KCTD1: variants seen among roughly 807,000 people sequenced by gnomAD.
KCTD1 encodes the protein BTB/POZ domain-containing protein KCTD1.
KCTD1 carries 24 observed loss-of-function variants against 66.0 expected under a neutral mutation model. The observed-to-expected ratio is 0.36, with a 90% CI of 0.26 to 0.51. The LOEUF (loss-of-function observed/expected upper bound fraction) is 0.51, where lower values mean the gene tolerates loss of function less well. Ranked by LOEUF, KCTD1 falls within the 20% of genes least tolerant of loss-of-function variation. The probability of loss-of-function intolerance (pLI) is 0.95; values close to 1 mark genes in which losing one functional copy is unlikely to be tolerated. For synonymous variants in KCTD1, 511 were observed against 517.2 expected, an observed-to-expected ratio of 0.99 and a Z score of 0.16; for missense variants, 943 against 1,205.2, an observed-to-expected ratio of 0.78 and a Z score of 3.22.
At chr18:26,477,701 G>A (rs1981420468) in intron 2 of KCTD1, among the ~76,000 whole-genome samples, 1 of 152,022 alleles carries the variant, frequency 6.6e-6, no homozygotes, top group South Asian at 2.1e-4. Context: ...CAAACAAGTA[G>A]GAAAGCTACT....
At chr18:26,513,465 G>C (rs12454640) in intron 1 of KCTD1, among the ~76,000 whole-genome samples, 34,570 of 152,060 alleles carry the variant, frequency 0.23, 4,725 homozygotes, top group Middle Eastern at 0.32. Flanking sequence ...TCTAACTTTT[G>C]CCCCAATTAC....
At chr18:26,523,182 T>C (rs1278090280) in intron 1 of KCTD1, among the ~76,000 whole-genome samples, 1 of 152,082 alleles carries the variant, frequency 6.6e-6, no homozygotes, top group Non-Finnish European at 1.5e-5. Context: ...AACGATCAAG[T>C]AGATTTGGGA....
chr18:26,599,175 A>C (rs1986834408), intron 1 of KCTD1, among the ~76,000 whole-genome samples: 1 of 152,212 alleles, frequency 6.6e-6, no homozygotes, highest in Non-Finnish European at 1.5e-5. Flanking sequence ...AATTTTATAA[A>C]TGGTATAATG....
chr18:26,637,411 G>C (rs1987746599), intron 1 of KCTD1, among the ~76,000 whole-genome samples: 1 of 152,218 alleles, frequency 6.6e-6, no homozygotes, highest in Non-Finnish European at 1.5e-5. Context: ...CAGATTGCTG[G>C]GGGTGGTGCT....
chr18:26,611,594 G>A (rs1193254250), intron 1 of KCTD1, among the ~76,000 whole-genome samples: 5 of 152,094 alleles, frequency 3.3e-5, no homozygotes, highest in Admixed American at 2.0e-4. Flanking sequence ...AAGGTGATCC[G>A]CCTGCCTTGG....
At chr18:26,517,245 T>TC (rs1983696827) in intron 1 of KCTD1, among the ~76,000 whole-genome samples, 1 of 152,072 alleles carries the variant, frequency 6.6e-6, no homozygotes, top group Non-Finnish European at 1.5e-5. Flanking sequence ...GCTCCCATAA[T>TC]CCCCATGTGT....
At chr18:26,641,968 T>A (rs1161400453), upstream of KCTD1, among the ~76,000 whole-genome samples, 1 of 152,238 alleles carries the variant, frequency 6.6e-6, no homozygotes, top group Non-Finnish European at 1.5e-5. Flanking sequence ...ACAATGGCAC[T>A]GATGACAATG....
intron 1 of KCTD1, among the ~76,000 whole-genome samples, chr18:26,502,807 C>T (rs1982834410): frequency 2.0e-5 from 3 of 152,174 alleles, no homozygotes. Context: ...ATAAGGCACA[C>T]TGAAGGGATT....
At chr18:26,620,706 G>C (rs1987361496) in intron 1 of KCTD1, among the ~76,000 whole-genome samples, 1 of 152,034 alleles carries the variant, frequency 6.6e-6, no homozygotes, top group Non-Finnish European at 1.5e-5. Flanking sequence ...AAAGTGCTGG[G>C]ATTACAGGTG....
chr18:26,459,829 A>G lies in KCTD1; in HGVS notation c.2230T>C (p.Phe744Leu), dbSNP rs1292078881. 6.2e-7 allele frequency: 1 copy of G among 1,614,178 alleles called. No individual in the cohort carries two copies. The highest frequency in any genetic ancestry group is 1.1e-5 in the South Asian group (1 of 91,072). Reference protein sequence around the residue: ...RWKQDRETGRFSRPCECLVVR... With the variant: ...RWKQDRETGRLSRPCECLVVR... ...ACGAGGCACTCACAGGGCCTTGAAA[A>G]TCGACCAGTTTCTCTGTCCTGCTTC... is the stretch of plus-strand genomic sequence containing the variant. The change falls in exon 4 of 5, where the codon TTT (phenylalanine) becomes CTT (leucine). Residue 744 changes from phenylalanine (F) to leucine (L), a missense_variant. Phe to Leu is a conservative substitution (Grantham distance 22). Coordinates refer to ENST00000580059, the MANE Select transcript of KCTD1 (RefSeq NM_001142730.3).
intron 1 of KCTD1, among the ~76,000 whole-genome samples, chr18:26,656,088 G>T (rs925637858): frequency 6.6e-6 from 1 of 152,078 alleles, no homozygotes; most frequent in Non-Finnish European, 1.5e-5. Context: ...GGTCAGAAAG[G>T]AGCCAAACTG....
chr18:26,523,390 G>A (rs1478749210), intron 1 of KCTD1, among the ~76,000 whole-genome samples: 1 of 152,118 alleles, frequency 6.6e-6, no homozygotes, highest in Non-Finnish European at 1.5e-5. Flanking sequence ...CTTATTTTGA[G>A]GCTCAATTTC....
chr18:26,547,212 G>A lies in KCTD1; in HGVS notation c.1325C>T (p.Ala442Val). The A allele has an allele frequency of 1.3e-6, 2 of 1,551,370 alleles. No homozygotes were observed. Among genetic ancestry groups the A allele is most frequent in the Non-Finnish European group, 8.7e-7 (1 of 1,146,974 alleles). Residue 442 changes from alanine (A) to valine (V), a missense_variant, in exon 1 of 5, where the codon GCC becomes GTC. This residue lies in a region of KCTD1 where 79 missense variants were observed against 133.9 expected (regional missense o/e 0.59). Transcript: ENST00000580059. ...GTTGGTGTAGGTCTTGGAGAGCTTGGCCGCCTTGGAGAGCATCTGCATCCG... is the reference window on the plus strand; with the variant it reads ...GTTGGTGTAGGTCTTGGAGAGCTTGACCGCCTTGGAGAGCATCTGCATCCG... ...GTRMQMLSKA[A>V]KLSKTYTNHC...
At chr18:26,612,694 T>C (rs1052536313) in intron 1 of KCTD1, among the ~76,000 whole-genome samples, 6 of 152,236 alleles carry the variant, frequency 3.9e-5, no homozygotes, top group Admixed American at 2.0e-4. Flanking sequence ...AATAAATTTC[T>C]GACATTTAAG....
At chr18:26,599,595 T>G in intron 1 of KCTD1, 1 of 1,504,716 alleles carries the variant, frequency 6.6e-7, no homozygotes, top group Non-Finnish European at 9.3e-7. Context: ...GACATTATTT[T>G]GTCGGGTTTA....
chr18:26,620,830 A>C (rs1987364286), intron 1 of KCTD1, among the ~76,000 whole-genome samples: 1 of 116,934 alleles, frequency 8.6e-6, no homozygotes, highest in Admixed American at 1.2e-4. Flanking sequence ...AACACTTGAA[A>C]AGCTTTTTTT....
chr18:26,608,004 C>T (rs557675667), intron 1 of KCTD1, among the ~76,000 whole-genome samples: 85 of 152,298 alleles, frequency 5.6e-4, no homozygotes, highest in African/African-American at 1.9e-3. Flanking sequence ...CTCCTGACCT[C>T]AAGCAATCTT....
intron 1 of KCTD1, among the ~76,000 whole-genome samples, chr18:26,653,277 T>C (rs1159228192): frequency 6.6e-6 from 1 of 152,250 alleles, no homozygotes; most frequent in Non-Finnish European, 1.5e-5. Context: ...AGTTAAGCCC[T>C]GAGTTCCTCC....
Position 26,468,132 on chromosome 18 carries a change from G to A in KCTD1, c.2134-8207C>T, listed in dbSNP as rs772245547. Among the ~76,000 whole-genome samples the A allele has an allele frequency of 3.9e-5, 6 of 152,222 alleles. No individual in the cohort carries two copies. Among genetic ancestry groups the A allele is most frequent in the African/African-American group, 1.2e-4 (5 of 41,460 alleles). The stretch of plus-strand genomic sequence containing the variant: ...CGTGTGTGTGTGTGCCTATGCATGC[G>A]TACACGCTCATGTGCAGGGCATAAA... On this transcript the variant is annotated intron_variant, in intron 3 of 4. Coordinates refer to ENST00000580059, the MANE Select transcript of KCTD1 (RefSeq NM_001142730.3). This position sits in a 1 kb window ranked among gnomAD's most constrained non-coding sequence, Gnocchi z 4.8.
Sources: allele counts gnomAD v4.1 joint callset (sites outside exome capture counted in the v4.1 genomes callset), GRCh38; gene constraint gnomAD v4.1.1; regional missense constraint gnomAD v4.1.1; non-coding constraint Gnocchi (gnomAD v3.1); transcripts MANE v1.5; gene names NCBI Gene and HGNC (gene_info 2026-07-23, HGNC 2026-07-21).